The following CARMIL1 variants were observed in gnomAD, a reference collection of about 807,000 sequenced individuals.
The protein encoded by CARMIL1 is F-actin-uncapping protein LRRC16A.
CARMIL1 carries 90 observed loss-of-function variants against 177.1 expected under a neutral mutation model. That is an observed-to-expected ratio of 0.51 (90% confidence interval 0.43 to 0.61). The LOEUF (loss-of-function observed/expected upper bound fraction) is 0.61, where lower values mean the gene tolerates loss of function less well. Ranked by LOEUF, CARMIL1 falls within the 20% of genes least tolerant of loss-of-function variation. The pLI, the probability that CARMIL1 is intolerant of heterozygous loss-of-function variation, is 0.00. For missense variants in CARMIL1, 1,380 were observed against 1,667.0 expected (o/e 0.83, Z 3.00); for synonymous variants, 577 against 606.2 (o/e 0.95, Z 0.71).
chr6:25,292,731 CT>C lies in CARMIL1; in HGVS notation c.138+7827del, dbSNP rs200979338. 4.2e-3 allele frequency among the ~76,000 whole-genome samples: 643 copies of C among 152,234 alleles called. 4 individuals are homozygous for C. The highest frequency in any genetic ancestry group is 0.014 in the African/African-American group (602 of 41,542). Reference sequence around the variant, plus strand: ...CTTTTCATTGTTCTAAAAAGATACTCTTTTTCCAGTCTCTGGGATTTAGCCA... The same window carrying C: ...CTTTTCATTGTTCTAAAAAGATACTCTTTTCCAGTCTCTGGGATTTAGCCA... On this transcript the variant is annotated intron_variant, in intron 2 of 36. Transcript: ENST00000329474.
At chr6:25,561,452 C>A (rs758072487) in intron 29 of CARMIL1, among the ~76,000 whole-genome samples, 1 of 152,056 alleles carries the variant, frequency 6.6e-6, no homozygotes, top group Admixed American at 6.6e-5. Context: ...GCAGTTTGTC[C>A]GCTTATTGCT....
intron 8 of CARMIL1, among the ~76,000 whole-genome samples, chr6:25,454,645 T>G (rs1799303601): frequency 6.6e-6 from 1 of 152,222 alleles, no homozygotes; most frequent in Admixed American, 6.5e-5. Context: ...TCAAAACAAT[T>G]TTTTACTGTT....
At chr6:25,579,694 T>A (rs1289672984) in intron 29 of CARMIL1, among the ~76,000 whole-genome samples, 2 of 152,218 alleles carry the variant, frequency 1.3e-5, no homozygotes, top group African/African-American at 4.8e-5. Flanking sequence ...AATCGGCAAG[T>A]TTCATTTTGT....
chr6:25,351,348 C>T lies in CARMIL1; in HGVS notation c.138+66439C>T, dbSNP rs145004832. Among the ~76,000 whole-genome samples, 865 of 152,148 alleles carry T rather than the reference C, an allele frequency of 5.7e-3. 7 individuals carry two copies. The highest frequency in any genetic ancestry group is 0.02 in the African/African-American group (814 of 41,500). ...ACTTTCATCTTTTTAAAATATGTGG[C>T]TACAAGAAAATTTAAACTTCCACAC... On this transcript the variant is annotated intron_variant, in intron 2 of 36. Coordinates refer to ENST00000329474, the MANE Select transcript of CARMIL1 (RefSeq NM_017640.6).
intron 23 of CARMIL1, among the ~76,000 whole-genome samples, chr6:25,524,824 T>C (rs1394475226): frequency 6.6e-6 from 1 of 151,952 alleles, no homozygotes; most frequent in Admixed American, 6.6e-5. Context: ...ATAAGAAACC[T>C]GTAACAGAAA....
intron 2 of CARMIL1, among the ~76,000 whole-genome samples, chr6:25,405,634 A>C (rs1019454037): frequency 3.9e-5 from 6 of 152,232 alleles, no homozygotes; most frequent in African/African-American, 1.4e-4. Context: ...TGAACACAGT[A>C]GGCAAAAGGC....
intron 2 of CARMIL1, among the ~76,000 whole-genome samples, chr6:25,304,779 T>C (rs1783136374): frequency 6.6e-6 from 1 of 152,242 alleles, no homozygotes; most frequent in Non-Finnish European, 1.5e-5. Context: ...TCCCTGCTCA[T>C]ATATCAAATG....
intron 35 of CARMIL1, among the ~76,000 whole-genome samples, chr6:25,606,642 G>A (rs1363652753): frequency 1.3e-5 from 2 of 152,228 alleles, no homozygotes; most frequent in Non-Finnish European, 2.9e-5. Flanking sequence ...AAAAGCAGCA[G>A]TTTAAGGAGG....
chr6:25,368,811 A>G (rs1007400696), intron 2 of CARMIL1, among the ~76,000 whole-genome samples: 1 of 152,192 alleles, frequency 6.6e-6, no homozygotes, highest in African/African-American at 2.4e-5. Flanking sequence ...GGCCTCATGT[A>G]TGTATATTCT....
intron 2 of CARMIL1, among the ~76,000 whole-genome samples, chr6:25,380,707 A>C (rs991970234): frequency 6.6e-6 from 1 of 152,234 alleles, no homozygotes. Flanking sequence ...GGTTCACAAC[A>C]GGCCTGTCTT....
intron 36 of CARMIL1, chr6:25,612,345 A>G (rs1430662064): frequency 6.6e-6 from 1 of 152,132 alleles, no homozygotes; most frequent in East Asian, 1.9e-4. Context: ...TGATTACTTC[A>G]TTTCCCTGTT....
intron 2 of CARMIL1, among the ~76,000 whole-genome samples, chr6:25,387,900 C>T (rs945240858): frequency 6.6e-6 from 1 of 152,070 alleles, no homozygotes; most frequent in African/African-American, 2.4e-5. Context: ...ATTTCTTTGC[C>T]TCTAGCTGTG....
intron 34 of CARMIL1, among the ~76,000 whole-genome samples, chr6:25,605,701 G>GT (rs1398396642): frequency 2.0e-4 from 30 of 152,286 alleles, no homozygotes; most frequent in African/African-American, 6.5e-4. Context: ...GGTTATACCT[G>GT]TACCTTGTGC....
At chr6:25,491,484 A>G (rs1468571278) in intron 13 of CARMIL1, among the ~76,000 whole-genome samples, 3 of 152,222 alleles carry the variant, frequency 2.0e-5, no homozygotes, top group Admixed American at 6.5e-5. Flanking sequence ...AGTCATGCAT[A>G]ACAAAATGGG....
At chr6:25,588,345 A>G (rs554082129) in intron 31 of CARMIL1, among the ~76,000 whole-genome samples, 57 of 152,244 alleles carry the variant, frequency 3.7e-4, no homozygotes, top group South Asian at 3.5e-3. Flanking sequence ...CATTATGGGT[A>G]TTTCTGGCCA....
At chr6:25,327,553 C>T (rs1159910856) in intron 2 of CARMIL1, among the ~76,000 whole-genome samples, 1 of 152,324 alleles carries the variant, frequency 6.6e-6, no homozygotes, top group South Asian at 2.1e-4. Context: ...TTCACTGGCT[C>T]CCCTCCGGCT....
intron 22 of CARMIL1, among the ~76,000 whole-genome samples, chr6:25,519,359 A>C: frequency 6.6e-6 from 1 of 152,316 alleles, no homozygotes; most frequent in Non-Finnish European, 1.5e-5. Flanking sequence ...GGAGGACAGA[A>C]GTCATCTCTA....
At chr6:25,596,745 G>A (rs953013004) in intron 32 of CARMIL1, among the ~76,000 whole-genome samples, 1 of 151,956 alleles carries the variant, frequency 6.6e-6, no homozygotes, top group African/African-American at 2.4e-5. Flanking sequence ...GTTCCAATGA[G>A]CATTTCTTTT....
At chr6:25,602,355 A>G (rs1338967006) in intron 33 of CARMIL1, among the ~76,000 whole-genome samples, 4 of 152,202 alleles carry the variant, frequency 2.6e-5, no homozygotes, top group African/African-American at 7.2e-5. Flanking sequence ...ATTTTAATCC[A>G]TGTTGTGAAT....
Sources: allele counts gnomAD v4.1 joint callset (sites outside exome capture counted in the v4.1 genomes callset), GRCh38; gene constraint gnomAD v4.1.1; transcripts MANE v1.5; gene names NCBI Gene and HGNC (gene_info 2026-07-23, HGNC 2026-07-21).